HOOK1: variants seen among roughly 807,000 people sequenced by gnomAD.
The protein encoded by HOOK1 is protein Hook homolog 1.
HOOK1 carries 60 observed loss-of-function variants against 112.8 expected under a neutral mutation model. The observed-to-expected ratio is 0.53, with a 90% confidence interval of 0.43 to 0.66. The LOEUF (loss-of-function observed/expected upper bound fraction) is 0.66. HOOK1 is among the 30% of genes least tolerant of loss of function. HOOK1 has a pLI of 0.00. For missense variants in HOOK1, 770 were observed against 856.0 expected, an observed-to-expected ratio of 0.90 and a Z score of 1.25; for synonymous variants, 294 against 283.8, an observed-to-expected ratio of 1.04 and a Z score of -0.36.
At chr1:59,857,966 C>G (rs549700476) in intron 12 of HOOK1, among the ~76,000 whole-genome samples, 64 of 152,304 alleles carry the variant, frequency 4.2e-4, no homozygotes, top group African/African-American at 1.5e-3. Flanking sequence ...ACACACCAAC[C>G]TATATTCTAG....
chr1:59,820,334 C>G (rs1275062566), intron 1 of HOOK1, among the ~76,000 whole-genome samples: 5 of 152,174 alleles, frequency 3.3e-5, no homozygotes, highest in Admixed American at 1.3e-4. Flanking sequence ...AGAAACTACT[C>G]TACTGTTTCT....
intron 12 of HOOK1, among the ~76,000 whole-genome samples, chr1:59,850,300 T>C (rs928924423): frequency 1.3e-5 from 2 of 151,528 alleles, no homozygotes; most frequent in African/African-American, 4.8e-5. Context: ...TTGCAGTTTT[T>C]TTTTTCTATT....
chr1:59,827,462 A>G (rs1171972515), intron 2 of HOOK1, among the ~76,000 whole-genome samples: 1 of 152,156 alleles, frequency 6.6e-6, no homozygotes, highest in Non-Finnish European at 1.5e-5. Context: ...AATCTGATAT[A>G]AAAAGGAAGT....
chr1:59,867,454 T>C (rs149769267), intron 19 of HOOK1, among the ~76,000 whole-genome samples: 5 of 152,316 alleles, frequency 3.3e-5, no homozygotes, highest in African/African-American at 4.8e-5. Flanking sequence ...TACCATCCAG[T>C]CTTCTTCTTT....
chr1:59,834,345 C>A (rs998421120), intron 5 of HOOK1, among the ~76,000 whole-genome samples: 2 of 152,040 alleles, frequency 1.3e-5, no homozygotes, highest in African/African-American at 4.8e-5. Context: ...ATAAATTTAC[C>A]TACAAACTCT....
At chr1:59,849,635 T>A (rs1187896484) in intron 12 of HOOK1, among the ~76,000 whole-genome samples, 1 of 151,648 alleles carries the variant, frequency 6.6e-6, no homozygotes, top group Admixed American at 6.6e-5. Flanking sequence ...CCATCACCGT[T>A]TACCCTGCAC....
At chr1:59,864,591 CA>C in intron 16 of HOOK1, 40 bp from the exon 17 acceptor site, 1 of 1,318,530 alleles carries the variant, frequency 7.6e-7, no homozygotes, top group Admixed American at 1.8e-5. Flanking sequence ...TGACCTTTGT[CA>C]AGATAGTCAT....
chr1:59,838,795 T>A (rs990331158), intron 7 of HOOK1, among the ~76,000 whole-genome samples: 1 of 152,226 alleles, frequency 6.6e-6, no homozygotes, highest in Non-Finnish European at 1.5e-5. Flanking sequence ...TGAATGGCAT[T>A]GCCCAGGTTT....
chr1:59,846,016 A>G (rs2098403591), intron 9 of HOOK1, among the ~76,000 whole-genome samples: 1 of 151,814 alleles, frequency 6.6e-6, no homozygotes, highest in African/African-American at 2.4e-5. Context: ...GTTTTTCCTG[A>G]CAAATTTAAT....
In HOOK1 at chr1:59,865,157, A is replaced by G; in HGVS notation, c.1662-6A>G. 1 of 1,578,052 alleles carries G rather than the reference A, an allele frequency of 6.3e-7. No homozygotes were observed. Among genetic ancestry groups the G allele is most frequent in the Non-Finnish European group, 8.7e-7 (1 of 1,147,374 alleles). On this transcript the variant is annotated splice_region_variant and splice_polypyrimidine_tract_variant and intron_variant, in intron 17 of 21. Transcript: ENST00000371208. ...GACCAGTCTCCATGCTTTTTCTACC[A>G]CTTAGGGAAAAACTCACAGAGGTCC...
In HOOK1 at chr1:59,847,038, G is replaced by T; in HGVS notation, c.789-7G>T. 1 of 1,575,276 alleles carries T rather than the reference G, an allele frequency of 6.3e-7. No individual in the cohort carries two copies. On this transcript the variant is annotated splice_region_variant and splice_polypyrimidine_tract_variant and intron_variant, in intron 9 of 21. Transcript: ENST00000371208. ...GTTATAAATACTTACTTTTTTATTT[G>T]TTCAAGGCTTGAAGCTGCAAAAGAT...
In HOOK1 at chr1:59,836,866, T is replaced by C; in HGVS notation, c.475-7T>C. On this transcript the variant is annotated splice_polypyrimidine_tract_variant and splice_region_variant and intron_variant, in intron 6 of 21. Transcript: ENST00000371208. ...TTATACTTAATTTTATTATTTTAAT[T>C]TCCTAGTTGATGAGTAAAGAAATAT... 2 of 1,496,880 alleles carry C rather than the reference T, an allele frequency of 1.3e-6. No homozygotes were observed. Among genetic ancestry groups the C allele is most frequent in the Non-Finnish European group, 1.8e-6 (2 of 1,083,686 alleles). 92.7% of individuals were successfully genotyped at this position (1,496,880 alleles called of 1,614,324 possible).
At chr1:59,819,033 C>G (rs1474981609) in intron 1 of HOOK1, among the ~76,000 whole-genome samples, 1 of 151,922 alleles carries the variant, frequency 6.6e-6, no homozygotes, top group Non-Finnish European at 1.5e-5. Context: ...CGGTAGACAC[C>G]TGTGGAAACC....
At chr1:59,842,579 G>A (rs965030756) in intron 8 of HOOK1, among the ~76,000 whole-genome samples, 1 of 152,086 alleles carries the variant, frequency 6.6e-6, no homozygotes, top group Non-Finnish European at 1.5e-5. Context: ...GTGTCAATGT[G>A]TAGTCATATT....
chr1:59,840,463 T>TA (rs2098400507), intron 8 of HOOK1, 72 bp downstream of exon 8: 1 of 884,688 alleles, frequency 1.1e-6, no homozygotes. Context: ...TGTAATTAAT[T>TA]AGTTAGCACT....
intron 1 of HOOK1, among the ~76,000 whole-genome samples, chr1:59,818,454 ATGT>A (rs1265717680): frequency 1.3e-5 from 2 of 152,204 alleles, no homozygotes; most frequent in Admixed American, 1.3e-4. Flanking sequence ...GCTCTTAGAA[ATGT>A]TGTACTGCTA....
At position 59,815,156 on chromosome 1, in the gene HOOK1, C is replaced by T. The variant is rs1164900524; in HGVS notation, c.39C>T (p.Pro13=). 14 of 1,543,672 alleles carry T rather than the reference C, an allele frequency of 9.1e-6. No homozygotes were observed. Among genetic ancestry groups the T allele is most frequent in the Non-Finnish European group, 1.2e-5 (14 of 1,146,570 alleles). The stretch of plus-strand genomic sequence containing the variant: ...AGCCGCCGCCGCAGCCTAAGCTGCC[C>T]CTGTGCGACAGCCTCATGATCTGGG... The part of the protein sequence containing the change: ...ETQPPPQPKL[P]LCDSLMIWLQ... The change falls in exon 1 of 22, where the codon CCC becomes CCT. Residue 13 remains proline (P), a synonymous_variant. Coordinates refer to ENST00000371208, the MANE Select transcript of HOOK1 (RefSeq NM_015888.6).
chr1:59,834,846 C>G (rs2098396428), intron 5 of HOOK1, among the ~76,000 whole-genome samples: 1 of 151,692 alleles, frequency 6.6e-6, no homozygotes, highest in Non-Finnish European at 1.5e-5. Flanking sequence ...GTTTTGTTGT[C>G]CTCTTTTATC....
In HOOK1 at chr1:59,868,669, T is replaced by C. The variant is rs540115760; in HGVS notation, c.1947+318T>C. On this transcript the variant is annotated intron_variant, in intron 20 of 21. Coordinates refer to ENST00000371208, the MANE Select transcript of HOOK1 (RefSeq NM_015888.6). ...AAAATTATGCAAATATGATTTCATC[T>C]GGGGGATATAAACCTGACCTTTACC... is the stretch of plus-strand genomic sequence containing the variant. Among the ~76,000 whole-genome samples, 254 of 152,334 alleles carry C rather than the reference T, an allele frequency of 1.7e-3. 3 individuals are homozygous for C. The highest frequency in any genetic ancestry group is 2.8e-3 in the Non-Finnish European group (189 of 68,024).
Sources: gnomAD v4.1 joint callset for allele counts (sites outside exome capture counted in the v4.1 genomes callset) on GRCh38, gnomAD v4.1.1 for gene constraint, MANE v1.5 for transcripts, NCBI Gene and HGNC (gene_info 2026-07-23, HGNC 2026-07-21) for gene names.